Variants in OXSR1 observed in about 807,000 individuals in gnomAD.
OXSR1 encodes serine/threonine-protein kinase OSR1.
In OXSR1, 24 loss-of-function variants were observed where a neutral mutation model predicts 79.8. The observed-to-expected ratio is 0.30, with a 90% CI of 0.22 to 0.42. The LOEUF is 0.42. Ranked by LOEUF, OXSR1 falls within the 10% of genes least tolerant of loss-of-function variation. The pLI, the probability that OXSR1 is intolerant of heterozygous loss-of-function variation, is 1.00. For synonymous variants in OXSR1, 226 were observed against 209.2 expected (o/e 1.08, Z -0.69); for missense variants, 430 against 618.4 (o/e 0.70, Z 3.23).
rs927282429 is a variant in OXSR1 at position 38,165,791 on chromosome 3, C to G, written c.-86C>G. 2 of 1,205,872 alleles carry G rather than the reference C, an allele frequency of 1.7e-6. No homozygotes were observed. Among genetic ancestry groups the G allele is most frequent in the African/African-American group, 3.0e-5 (2 of 65,882 alleles). The allele number at this position is 1,205,872 out of a possible 1,614,324, so 74.7% of individuals were successfully genotyped here. ...GGTGGGGGCGCGGCGGCGGCGGCGG[C>G]GGCTGTTGGGGGTGGGGAGACGCGC... On this transcript the variant is annotated 5_prime_UTR_variant, in exon 1 of 18. Coordinates refer to ENST00000311806, the MANE Select transcript of OXSR1 (RefSeq NM_005109.3).
At chr3:38,180,242 G>A (rs377296976) in intron 1 of OXSR1, among the ~76,000 whole-genome samples, 1 of 151,936 alleles carries the variant, frequency 6.6e-6, no homozygotes, top group Non-Finnish European at 1.5e-5. Context: ...TGTTCCTGGC[G>A]GAAAAAATCT....
intron 16 of OXSR1, 33 bp from the exon 17 acceptor site, chr3:38,252,295 C>T (rs1312087456): frequency 6.9e-7 from 1 of 1,455,542 alleles, no homozygotes; most frequent in African/African-American, 1.4e-5. Flanking sequence ...TGTAACTTCT[C>T]ATTCATTACC....
intron 1 of OXSR1, among the ~76,000 whole-genome samples, chr3:38,175,069 T>G (rs1575307044): frequency 6.6e-6 from 1 of 152,210 alleles, no homozygotes; most frequent in Non-Finnish European, 1.5e-5. Context: ...TTGTAAATTC[T>G]TATGTTTTGT....
intron 11 of OXSR1, among the ~76,000 whole-genome samples, chr3:38,241,688 A>G (rs960173583): frequency 4.6e-5 from 7 of 152,040 alleles, no homozygotes; most frequent in Non-Finnish European, 4.4e-5. Context: ...TGGGGTAAAG[A>G]GTATACTTAC....
chr3:38,241,767 G>A (rs1036188464), intron 11 of OXSR1, among the ~76,000 whole-genome samples: 5 of 148,606 alleles, frequency 3.4e-5, no homozygotes, highest in African/African-American at 4.9e-5. Context: ...TTTTTTTCTT[G>A]TAGTCTGGAT....
intron 3 of OXSR1, among the ~76,000 whole-genome samples, chr3:38,195,724 G>C (rs1702062365): frequency 6.6e-6 from 1 of 152,148 alleles, no homozygotes; most frequent in African/African-American, 2.4e-5. Context: ...GAAGCCAGCA[G>C]CTGCTTCACT....
At chr3:38,243,976 G>T (rs1039932236) in intron 12 of OXSR1, among the ~76,000 whole-genome samples, 55 of 152,278 alleles carry the variant, frequency 3.6e-4, no homozygotes, top group African/African-American at 1.3e-3. Flanking sequence ...ACCATGACCT[G>T]CATTCCTGAG....
intron 1 of OXSR1, among the ~76,000 whole-genome samples, chr3:38,169,886 C>T (rs953323399): frequency 1.3e-5 from 2 of 151,864 alleles, no homozygotes; most frequent in South Asian, 2.1e-4. Flanking sequence ...CATGCCACCA[C>T]GTTTGGCTAA....
At chr3:38,189,762 AC>A (rs1361228401) in intron 2 of OXSR1, among the ~76,000 whole-genome samples, 5 of 152,236 alleles carry the variant, frequency 3.3e-5, no homozygotes, top group African/African-American at 1.2e-4. Context: ...CACTGAGCTT[AC>A]AGTTTTGTGG....
chr3:38,177,326 A>G (rs780068096), intron 1 of OXSR1, among the ~76,000 whole-genome samples: 17 of 152,178 alleles, frequency 1.1e-4, no homozygotes, highest in South Asian at 8.3e-4. Flanking sequence ...AGAGGATGGG[A>G]TCTGAGAGGG....
At chr3:38,168,150 G>C (rs1321898195) in intron 1 of OXSR1, among the ~76,000 whole-genome samples, 1 of 152,086 alleles carries the variant, frequency 6.6e-6, no homozygotes, top group Non-Finnish European at 1.5e-5. Flanking sequence ...AAAAGGTTAG[G>C]AACTCCAATG....
chr3:38,215,234 T>G (rs1702460555), intron 4 of OXSR1, among the ~76,000 whole-genome samples: 1 of 152,234 alleles, frequency 6.6e-6, no homozygotes, highest in Non-Finnish European at 1.5e-5. Flanking sequence ...TTGATTGACA[T>G]TATTTCATGG....
intron 4 of OXSR1, among the ~76,000 whole-genome samples, chr3:38,205,098 A>G (rs1407990998): frequency 2.0e-5 from 3 of 151,944 alleles, no homozygotes; most frequent in Non-Finnish European, 2.9e-5. Flanking sequence ...GCAGAGCAGC[A>G]CTGAGTTCCA....
In OXSR1 at chr3:38,245,463, G is replaced by A. The variant is rs558943041; in HGVS notation, c.1111-612G>A. The stretch of plus-strand genomic sequence containing the variant: ...TATGTTAAGGAATTATTGGTTGATT[G>A]TCTTTGTAAGAAATACAAAGTCCTC... On this transcript the variant is annotated intron_variant, in intron 12 of 17. Transcript: ENST00000311806. Among the ~76,000 whole-genome samples, 3 of 152,124 alleles carry A rather than the reference G, an allele frequency of 2.0e-5. No individual in the cohort carries two copies. The South Asian group carries it at 6.2e-4, about 32-fold the overall frequency.
intron 1 of OXSR1, among the ~76,000 whole-genome samples, chr3:38,180,721 A>G (rs1284903535): frequency 6.6e-6 from 1 of 151,590 alleles, no homozygotes; most frequent in African/African-American, 2.4e-5. Flanking sequence ...TTTTGTAGAG[A>G]CAGGGTTTTG....
In OXSR1 at chr3:38,165,656, C is replaced by G. The variant is rs941425204; in HGVS notation, c.-221C>G. On this transcript the variant is annotated 5_prime_UTR_variant, in exon 1 of 18. Transcript: ENST00000311806. ...GTGGGCTGGGCCGGGCAGTGCCGGA[C>G]TCGGAGGAGCAGGAGGCGAGGTCCG... 2 of 527,228 alleles carry G rather than the reference C, an allele frequency of 3.8e-6. No individual in the cohort carries two copies. Among genetic ancestry groups the G allele is most frequent in the African/African-American group, 2.1e-5 (1 of 48,650 alleles). The allele number at this position is 527,228 out of a possible 1,614,324, so 32.7% of individuals were successfully genotyped here. A position where few individuals can be genotyped will look rare whatever the true frequency, so the allele number is the denominator to read the frequency against.
chr3:38,235,701 A>C (rs551637152), intron 10 of OXSR1, among the ~76,000 whole-genome samples: 1 of 152,374 alleles, frequency 6.6e-6, no homozygotes, highest in African/African-American at 2.4e-5. Context: ...TGACCTCAGC[A>C]GCACTTCTGG....
intron 5 of OXSR1, among the ~76,000 whole-genome samples, chr3:38,218,189 GTAT>G (rs1374686401): frequency 6.6e-6 from 1 of 152,072 alleles, no homozygotes; most frequent in Non-Finnish European, 1.5e-5. Flanking sequence ...AGGAATTGCT[GTAT>G]TATTTTTCAT....
At chr3:38,208,833 C>T (rs1274005591) in intron 4 of OXSR1, among the ~76,000 whole-genome samples, 12 of 152,092 alleles carry the variant, frequency 7.9e-5, no homozygotes, top group Non-Finnish European at 1.5e-4. Flanking sequence ...ACGTGGGAGG[C>T]GGAGGTTGCA....
Sources: gnomAD v4.1 joint callset for allele counts (sites outside exome capture counted in the v4.1 genomes callset) on GRCh38, gnomAD v4.1.1 for gene constraint, MANE v1.5 for transcripts, NCBI Gene and HGNC (gene_info 2026-07-23, HGNC 2026-07-21) for gene names.